The following SLC43A2 variants were observed in gnomAD, a reference collection of about 807,000 sequenced individuals.
The protein encoded by SLC43A2 is large neutral amino acids transporter small subunit 4.
Under a neutral mutation model 63.2 loss-of-function variants are expected in SLC43A2, and 38 were observed. The observed-to-expected ratio is 0.60, with a 90% CI of 0.46 to 0.79. The LOEUF (loss-of-function observed/expected upper bound fraction) is 0.79. Among genes scored for constraint, SLC43A2 ranks in the 30% least tolerant of loss-of-function variants. The pLI, the probability that SLC43A2 is intolerant of heterozygous loss-of-function variation, is 0.00. For missense variants in SLC43A2, 644 were observed against 756.2 expected (o/e 0.85, Z 1.74); for synonymous variants, 322 against 331.0 (o/e 0.97, Z 0.30).
intron 2 of SLC43A2, among the ~76,000 whole-genome samples, chr17:1,619,497 G>C (rs901261618): frequency 6.6e-6 from 1 of 152,108 alleles, no homozygotes; most frequent in African/African-American, 2.4e-5. Flanking sequence ...ACTTTCTCTC[G>C]GTTTTCCAAA....
At position 1,605,131 on chromosome 17, in the gene SLC43A2, CCCT is replaced by C; in HGVS notation, c.501+8061_501+8063del. On this transcript the variant is annotated intron_variant, in intron 5 of 13. Coordinates refer to ENST00000301335, the MANE Select transcript of SLC43A2 (RefSeq NM_152346.3). This position sits in a 1 kb window ranked among gnomAD's most constrained non-coding sequence, Gnocchi z 4.9. ...CCGCCCTCAGGTGCTTCCCACAGCC[CCCT>C]CGCCGCCTCTGCCTCCGTGCGGGTC... 7.7e-7 allele frequency: 1 copy of C among 1,290,592 alleles called. No individual in the cohort carries two copies. The highest frequency in any genetic ancestry group is 9.9e-7 in the Non-Finnish European group (1 of 1,011,700). The allele number at this position is 1,290,592 out of a possible 1,614,324, so 79.9% of individuals were successfully genotyped here.
At chr17:1,591,824 G>A in intron 6 of SLC43A2, 125 bp from the exon 7 acceptor site, 5 of 734,724 alleles carry the variant, frequency 6.8e-6, no homozygotes, top group Non-Finnish European at 1.1e-5. Context: ...CGCGCAAAGA[G>A]GCACAGCCCT....
rs377078661 is a variant in SLC43A2, at chr17:1,570,573, G to A, written c.*5031C>T. 2.8e-5 allele frequency: 4 copies of A among 144,298 alleles called. No homozygotes were observed. Among genetic ancestry groups the A allele is most frequent in the East Asian group, 4.1e-4 (2 of 4,870 alleles). 8.9% of individuals were successfully genotyped at this position (144,298 alleles called of 1,614,324 possible). On this transcript the variant is annotated 3_prime_UTR_variant, in exon 14 of 14. Coordinates refer to ENST00000301335, the MANE Select transcript of SLC43A2 (RefSeq NM_152346.3). ...GGGATCTCGGCTCACTGCAAGCTCC[G>A]CCTCCCGGGTTCACACCATTCTCCT...
At chr17:1,586,102 G>C (rs994775116) in intron 9 of SLC43A2, 51 bp from the exon 10 acceptor site, 1 of 1,524,828 alleles carries the variant, frequency 6.6e-7, no homozygotes, top group Middle Eastern at 2.0e-4. Flanking sequence ...CAGCCCTGGA[G>C]CAGGGACTGG....
chr17:1,575,865 G>T, intron 13 of SLC43A2, 100 bp from the exon 14 acceptor site: 1 of 1,358,624 alleles, frequency 7.4e-7, no homozygotes, highest in Non-Finnish European at 9.8e-7. Context: ...AAGGTCACGG[G>T]GTGGAAGGGG....
rs965408466 is a variant in SLC43A2 at position 1,578,760 on chromosome 17, C to G, written c.1351-437G>C. The G allele has an allele frequency of 2.5e-5, 4 of 159,194 alleles. No homozygotes were observed. Among genetic ancestry groups the G allele is most frequent in the Admixed American group, 2.5e-4 (4 of 15,920 alleles). The allele number at this position is 159,194 out of a possible 1,614,324, so 9.9% of individuals were successfully genotyped here. A position where few individuals can be genotyped will look rare whatever the true frequency, so the allele number is the denominator to read the frequency against. The stretch of plus-strand genomic sequence containing the variant: ...GGCCCGGCTGGTCTCAAACTCATGA[C>G]GTTGTGATCCACCCGCCTCAGCCTC... On this transcript the variant is annotated intron_variant, in intron 11 of 13. Coordinates refer to ENST00000301335, the MANE Select transcript of SLC43A2 (RefSeq NM_152346.3). The surrounding 1 kb of genome is among the most constrained non-coding windows in gnomAD (Gnocchi z 6.5).
At chr17:1,586,817 C>T (rs1214964139) in intron 9 of SLC43A2, 5 of 889,014 alleles carry the variant, frequency 5.6e-6, no homozygotes, top group Admixed American at 3.6e-5. Flanking sequence ...TTGATTGCCC[C>T]AGTTTTACCC....
chr17:1,627,717 G>A lies in SLC43A2; in HGVS notation c.158C>T (p.Pro53Leu). ...GCAACCCCAGGCGCTTGTCTCACCT[G>A]GCTCGGTACACAGGTAGGAGTAAAA... ...EGFYSYLCTEPENVTNGTVGG... is the reference protein window; with the variant it reads ...EGFYSYLCTELENVTNGTVGG... Residue 53 changes from proline (P) to leucine (L), a missense_variant and splice_region_variant, in exon 2 of 14, where the codon CCA (proline) becomes CTA (leucine). Physicochemically the swap from Pro to Leu is moderately conservative, Grantham distance 98. Transcript: ENST00000301335. The A allele has an allele frequency of 6.9e-7, 1 of 1,449,330 alleles. No individual in the cohort carries two copies. The highest frequency in any genetic ancestry group is 9.2e-7 in the Non-Finnish European group (1 of 1,087,702). The allele number at this position is 1,449,330 out of a possible 1,614,324, so 89.8% of individuals were successfully genotyped here.
chr17:1,607,013 G>A (rs1906686557), intron 5 of SLC43A2, among the ~76,000 whole-genome samples: 1 of 152,214 alleles, frequency 6.6e-6, no homozygotes, highest in Non-Finnish European at 1.5e-5. Context: ...CCCGCTTGGA[G>A]CCCCCTCTCC....
At chr17:1,597,331 C>T (rs960840820) in intron 5 of SLC43A2, among the ~76,000 whole-genome samples, 1 of 151,118 alleles carries the variant, frequency 6.6e-6, no homozygotes, top group Non-Finnish European at 1.5e-5. Context: ...GGTGAAACCC[C>T]GTCCCTGCTA....
intron 2 of SLC43A2, among the ~76,000 whole-genome samples, chr17:1,625,890 C>A (rs1908616807): frequency 6.6e-6 from 1 of 152,052 alleles, no homozygotes; most frequent in South Asian, 2.1e-4. Flanking sequence ...CTGGCACAAT[C>A]TCTGGGACTC....
intron 10 of SLC43A2, 122 bp downstream of exon 10, chr17:1,585,791 G>A (rs1401567980): frequency 1.2e-6 from 2 of 1,600,532 alleles, no homozygotes; most frequent in Non-Finnish European, 1.7e-6. Flanking sequence ...AGGGCTCCGG[G>A]AGCAGCTGGA....
intron 2 of SLC43A2, among the ~76,000 whole-genome samples, chr17:1,621,161 G>A (rs1044769490): frequency 6.6e-6 from 1 of 152,140 alleles, no homozygotes; most frequent in Non-Finnish European, 1.5e-5. Flanking sequence ...CACAGAAGAC[G>A]CACAAGATCT....
At chr17:1,618,659 T>G (rs1907895490) in intron 2 of SLC43A2, among the ~76,000 whole-genome samples, 1 of 152,202 alleles carries the variant, frequency 6.6e-6, no homozygotes, top group Admixed American at 6.5e-5. Flanking sequence ...CTCACCCAGG[T>G]CTTGGCCTAC....
Position 1,578,395 on chromosome 17 carries a change from C to T in SLC43A2, c.1351-72G>A. 7.0e-7 allele frequency: 1 copy of T among 1,437,794 alleles called. No individual in the cohort carries two copies. The allele number at this position is 1,437,794 out of a possible 1,614,324, so 89.1% of individuals were successfully genotyped here. On this transcript the variant is annotated intron_variant, in intron 11 of 13. Coordinates refer to ENST00000301335, the MANE Select transcript of SLC43A2 (RefSeq NM_152346.3). This position sits in a 1 kb window ranked among gnomAD's most constrained non-coding sequence, Gnocchi z 6.5. ...TCCCCTCAGCCCCCGCCCTCCAATT[C>T]CTGGGGGCCCTCACCCCAGGGGCAG...
At position 1,583,086 on chromosome 17, in the gene SLC43A2, TAAAG is replaced by T. The variant is rs35181236; in HGVS notation, c.1350+114_1350+117del. The T allele has an allele frequency of 0.044, 52,260 of 1,185,910 alleles. 1,329 individuals are homozygous for T. The highest frequency in any genetic ancestry group is 0.052 in the Non-Finnish European group (43,647 of 835,500). 73.5% of individuals were successfully genotyped at this position (1,185,910 alleles called of 1,614,324 possible). A position where few individuals can be genotyped will look rare whatever the true frequency, so the allele number is the denominator to read the frequency against. On this transcript the variant is annotated intron_variant, in intron 11 of 13. Coordinates refer to ENST00000301335, the MANE Select transcript of SLC43A2 (RefSeq NM_152346.3). The surrounding 1 kb of genome is among the most constrained non-coding windows in gnomAD (Gnocchi z 5.5). ...AGAGTTTGACTCTGTCTCAAAAAAATAAAGAAAGTCATCCGCTTTGTTGATGGCT... is the reference window on the plus strand; with the variant it reads ...AGAGTTTGACTCTGTCTCAAAAAAATAAAGTCATCCGCTTTGTTGATGGCT...
chr17:1,575,543 G>C lies in SLC43A2; in HGVS notation c.*61C>G. On this transcript the variant is annotated 3_prime_UTR_variant, in exon 14 of 14. Coordinates refer to ENST00000301335, the MANE Select transcript of SLC43A2 (RefSeq NM_152346.3). ...GGGGTGCGTGGGGTACTCTGGAGGGGCAGGACAGGGGTCAGTCACTGAAGC... is the reference window on the plus strand; with the variant it reads ...GGGGTGCGTGGGGTACTCTGGAGGGCCAGGACAGGGGTCAGTCACTGAAGC... 1 of 1,605,388 alleles carries C rather than the reference G, an allele frequency of 6.2e-7. No individual in the cohort carries two copies. The highest frequency in any genetic ancestry group is 1.3e-5 in the African/African-American group (1 of 74,870).
At chr17:1,592,026 CGTCGGCTT>C (rs1356959231) in intron 6 of SLC43A2, among the ~76,000 whole-genome samples, 2 of 152,222 alleles carry the variant, frequency 1.3e-5, no homozygotes, top group Non-Finnish European at 2.9e-5. Context: ...GCTCCTGGTC[CGTCGGCTT>C]GTCTGGTATT....
At chr17:1,581,135 AGGAATGTGGGTGGT>A (rs1435606168) in intron 11 of SLC43A2, among the ~76,000 whole-genome samples, 1 of 151,366 alleles carries the variant, frequency 6.6e-6, no homozygotes, top group African/African-American at 2.4e-5. Context: ...ACCTGTTCCC[AGGAATGTGGGTGGT>A]GGGGGGGCAG....
Sources: gnomAD v4.1 joint callset for allele counts (sites outside exome capture counted in the v4.1 genomes callset) on GRCh38, gnomAD v4.1.1 for gene constraint, Gnocchi (gnomAD v3.1) non-coding constraint, MANE v1.5 for transcripts, NCBI Gene and HGNC (gene_info 2026-07-23, HGNC 2026-07-21) for gene names.